The following RP1L1 variants were observed in gnomAD, a reference collection of about 807,000 sequenced individuals.
RP1L1 encodes the protein RP1 like 1, also known as retinitis pigmentosa 1-like 1 protein.
A neutral mutation model predicts 15.7 loss-of-function variants in RP1L1; 27 were observed. The observed-to-expected ratio is 1.72, with a 90% CI of 1.27 to 2.38. The LOEUF is 2.38. Ranked by LOEUF, RP1L1 falls within the 30% of genes most tolerant of loss-of-function variation. RP1L1 has a pLI of 0.00. For synonymous variants in RP1L1, 1,813 were observed against 1,276.7 expected, an observed-to-expected ratio of 1.42 and a Z score of -8.96; for missense variants, 4,798 against 3,075.9, an observed-to-expected ratio of 1.56 and a Z score of -13.24.
rs117301047 is a variant in RP1L1, at chr8:10,624,441, G to A, written c.-19-1221C>T. On this transcript the variant is annotated intron_variant, in intron 1 of 3. Coordinates refer to ENST00000382483, the MANE Select transcript of RP1L1 (RefSeq NM_178857.6). Reference sequence around the variant, plus strand: ...TGACTGAATGCAGAGTAAAAGGAATGGCATTGCAGGTCAAGGAAGTCCTCC... The same window carrying A: ...TGACTGAATGCAGAGTAAAAGGAATAGCATTGCAGGTCAAGGAAGTCCTCC... 6.6e-5 allele frequency among the ~76,000 whole-genome samples: 10 copies of A among 152,336 alleles called. No homozygotes were observed. The East Asian group carries it at 1.9e-3, about 29-fold the overall frequency.
intron 1 of RP1L1, among the ~76,000 whole-genome samples, chr8:10,631,332 CATGCACACACACGCACACACAT>C (rs1430200208): frequency 9.6e-6 from 1 of 103,764 alleles, no homozygotes; most frequent in Non-Finnish European, 2.3e-5. Flanking sequence ...CGCACACACA[CATGCACACACACGCACACACAT>C]GCACACAAAC....
chr8:10,626,199 G>C (rs1035218475), intron 1 of RP1L1, among the ~76,000 whole-genome samples: 5 of 152,066 alleles, frequency 3.3e-5, no homozygotes, highest in African/African-American at 1.2e-4. Flanking sequence ...AGCGGGCGCA[G>C]GCAGCAGGGG....
chr8:10,612,101 C>G lies in RP1L1; in HGVS notation c.1997G>C (p.Arg666Thr), dbSNP rs1321381355. Residue 666 changes from arginine (R) to threonine (T), a missense_variant, in exon 4 of 4, where the codon AGG becomes ACG. Arg to Thr is a moderately conservative substitution (Grantham distance 71, BLOSUM62 -1). Coordinates refer to ENST00000382483, the MANE Select transcript of RP1L1 (RefSeq NM_178857.6). ...GGTGTCCTTGCGGTAGTGAGAATGC[C>G]TGGGATGGCCTCTCGGGGCCACTCG... ...LGRVAPRGHP[R>T]HSHYRKDTHS... The G allele has an allele frequency of 6.2e-7, 1 of 1,613,802 alleles. No individual in the cohort carries two copies. Among genetic ancestry groups the G allele is most frequent in the Admixed American group, 1.7e-5 (1 of 60,038 alleles).
chr8:10,641,905 T>C (rs576933393), intron 1 of RP1L1, among the ~76,000 whole-genome samples: 2 of 152,268 alleles, frequency 1.3e-5, no homozygotes, highest in South Asian at 4.1e-4. Context: ...AAATGGAGAA[T>C]AGATTAACAT....
In RP1L1 at chr8:10,612,926, C is replaced by A; in HGVS notation, c.1172G>T (p.Cys391Phe). Reference sequence around the variant, plus strand: ...CCCGCCTCGGCCAAAGACTTCCCTGCATCCCACCCTGCAGGGCCGGGGTCC... The same window carrying A: ...CCCGCCTCGGCCAAAGACTTCCCTGAATCCCACCCTGCAGGGCCGGGGTCC... ...VWGPRPCRVGCREVFGRGGQP... is the reference protein window; with the variant it reads ...VWGPRPCRVGFREVFGRGGQP... The change falls in exon 4 of 4, where the codon TGC becomes TTC. Residue 391 changes from cysteine to phenylalanine, a missense_variant. Coordinates refer to ENST00000382483, the MANE Select transcript of RP1L1 (RefSeq NM_178857.6). 6.2e-7 allele frequency: 1 copy of A among 1,613,110 alleles called. No homozygotes were observed. Among genetic ancestry groups the A allele is most frequent in the Non-Finnish European group, 8.5e-7 (1 of 1,179,948 alleles).
Position 10,613,141 on chromosome 8 carries a change from G to T in RP1L1, c.957C>A (p.Gly319=). The T allele has an allele frequency of 6.2e-7, 1 of 1,613,922 alleles. No individual in the cohort carries two copies. Among genetic ancestry groups the T allele is most frequent in the Non-Finnish European group, 8.5e-7 (1 of 1,180,042 alleles). Residue 319 remains glycine (G), a synonymous_variant, in exon 4 of 4, where the codon GGC becomes GGA. Coordinates refer to ENST00000382483, the MANE Select transcript of RP1L1 (RefSeq NM_178857.6). ...GGACTTTCATCTCCACGGACAGGCT[G>T]CCGTCCTCATTCATGCGGACCTTCT... ...MKKKVRMNED[G]SLSVEMKVRF...
At position 10,612,840 on chromosome 8, in the gene RP1L1, C is replaced by T; in HGVS notation, c.1258G>A (p.Val420Met). The T allele has an allele frequency of 6.2e-7, 1 of 1,612,720 alleles. No individual in the cohort carries two copies. Among genetic ancestry groups the T allele is most frequent in the Non-Finnish European group, 8.5e-7 (1 of 1,179,912 alleles). The stretch of plus-strand genomic sequence containing the variant: ...AGTCCCCACCTCTTCCGAGCTGCCA[C>T]TCTCTCTCCCTGGGAGGCATGCAGG... Reference protein sequence around the residue: ...NPLHASQGERVAARKRWGLAQ... With the variant: ...NPLHASQGERMAARKRWGLAQ... Residue 420 changes from valine to methionine, a missense_variant, in exon 4 of 4, where the codon GTG (valine) becomes ATG (methionine). Physicochemically the swap from Val to Met is conservative, Grantham distance 21. Coordinates refer to ENST00000382483, the MANE Select transcript of RP1L1 (RefSeq NM_178857.6).
chr8:10,631,278 TGCACACACACGCAC>T (rs1798239325), intron 1 of RP1L1, among the ~76,000 whole-genome samples: 1 of 131,654 alleles, frequency 7.6e-6, no homozygotes, highest in Admixed American at 7.6e-5. Flanking sequence ...CAAACACGCA[TGCACACACACGCAC>T]ACAAACACGC....
In RP1L1 at chr8:10,617,041, A is replaced by G. The variant is rs185079929; in HGVS notation, c.610-454T>C. 2.6e-5 allele frequency among the ~76,000 whole-genome samples: 4 copies of G among 152,234 alleles called. No individual in the cohort carries two copies. In the East Asian group the frequency reaches 7.7e-4, roughly 29 times the overall value. On this transcript the variant is annotated intron_variant, in intron 2 of 3. Coordinates refer to ENST00000382483, the MANE Select transcript of RP1L1 (RefSeq NM_178857.6). ...TGCTGCCTAATCTGTGTTTTCTGGT[A>G]CAGTCTGAGTCTGTTGCCTCTGCCC...
chr8:10,632,572 G>T (rs888335698), intron 1 of RP1L1, among the ~76,000 whole-genome samples: 5 of 152,132 alleles, frequency 3.3e-5, no homozygotes, highest in East Asian at 1.9e-4. Context: ...GCCAACTCAC[G>T]GCCTGTAGAA....
intron 3 of RP1L1, among the ~76,000 whole-genome samples, chr8:10,616,222 T>C (rs982342441): frequency 1.3e-5 from 2 of 152,180 alleles, no homozygotes; most frequent in African/African-American, 2.4e-5. Flanking sequence ...GTTCCTTTTA[T>C]ATACCAAGCA....
rs12542071 is a variant in RP1L1 at position 10,606,651 on chromosome 8, G to A, written c.*244C>T. On this transcript the variant is annotated 3_prime_UTR_variant, in exon 4 of 4. Coordinates refer to ENST00000382483, the MANE Select transcript of RP1L1 (RefSeq NM_178857.6). ...GGAGCCGGGCTGACCTCCGATAACCGGGCAGATCCGCAGACACCCCCTTTC... is the reference window on the plus strand; with the variant it reads ...GGAGCCGGGCTGACCTCCGATAACCAGGCAGATCCGCAGACACCCCCTTTC... 91,996 of 591,052 alleles carry A rather than the reference G, an allele frequency of 0.16. 8,623 individuals carry two copies. Among genetic ancestry groups the A allele is most frequent in the South Asian group, 0.34 (15,752 of 46,228 alleles). 36.6% of individuals were successfully genotyped at this position (591,052 alleles called of 1,614,324 possible). A position where few individuals can be genotyped will look rare whatever the true frequency, so the allele number is the denominator to read the frequency against.
At position 10,613,051 on chromosome 8, in the gene RP1L1, G is replaced by A. The variant is rs987885227; in HGVS notation, c.1047C>T (p.Leu349=). 11 of 1,613,614 alleles carry A rather than the reference G, an allele frequency of 6.8e-6. No individual in the cohort carries two copies. The highest frequency in any genetic ancestry group is 1.1e-5 in the South Asian group (1 of 91,086). ...WSRRMGRASA[L]TAASGEDPVL... ...CGGGGTCTTCCCCACTGGCTGCCGT[G>A]AGGGCGCTGGCCCTGCCCATCCTCC... Residue 349 remains leucine (L), a synonymous_variant, in exon 4 of 4, where the codon CTC becomes CTT. Transcript: ENST00000382483.
Position 10,609,818 on chromosome 8 carries a change from A to G in RP1L1, c.4280T>C (p.Val1427Ala). 1 of 1,613,962 alleles carries G rather than the reference A, an allele frequency of 6.2e-7. No homozygotes were observed. The highest frequency in any genetic ancestry group is 8.5e-7 in the Non-Finnish European group (1 of 1,179,968). ...DGKGSQEDDPVQEEEAGRASA... is the reference protein window; with the variant it reads ...DGKGSQEDDPAQEEEAGRASA... The stretch of plus-strand genomic sequence containing the variant: ...GGCTCTTCCTGCTTCCTCCTCCTGG[A>G]CTGGGTCATCTTCCTGGGAGCCTTT... Residue 1427 changes from valine (V) to alanine (A), a missense_variant, in exon 4 of 4, where the codon GTC becomes GCC. Physicochemically the swap from Val to Ala is moderately conservative, Grantham distance 64. Coordinates refer to ENST00000382483, the MANE Select transcript of RP1L1 (RefSeq NM_178857.6).
intron 1 of RP1L1, among the ~76,000 whole-genome samples, chr8:10,640,985 G>C (rs1342301402): frequency 6.6e-6 from 1 of 152,132 alleles, no homozygotes; most frequent in Admixed American, 6.5e-5. Flanking sequence ...TGCACAGGCA[G>C]GTTGCAAACT....
chr8:10,615,827 C>A (rs1362423317), intron 3 of RP1L1, among the ~76,000 whole-genome samples: 1 of 152,076 alleles, frequency 6.6e-6, no homozygotes, highest in East Asian at 1.9e-4. Context: ...AAGGTGTGAG[C>A]CTCTGTGCCT....
chr8:10,616,977 T>C (rs1483122198), intron 2 of RP1L1, among the ~76,000 whole-genome samples: 2 of 152,128 alleles, frequency 1.3e-5, no homozygotes, highest in African/African-American at 4.8e-5. Context: ...CGGGGCCCGA[T>C]TCACTCTCTC....
At chr8:10,647,072 C>A (rs949875813) in intron 1 of RP1L1, among the ~76,000 whole-genome samples, 32 of 152,364 alleles carry the variant, frequency 2.1e-4, no homozygotes, top group African/African-American at 7.7e-4. Flanking sequence ...GGGCCCCAGG[C>A]TGGGGCAGCA....
chr8:10,637,339 A>G (rs1315228088), intron 1 of RP1L1, among the ~76,000 whole-genome samples: 1 of 152,232 alleles, frequency 6.6e-6, no homozygotes, highest in Non-Finnish European at 1.5e-5. Flanking sequence ...CACCACAATT[A>G]AGCCAATTAG....
Sources: allele counts gnomAD v4.1 joint callset (sites outside exome capture counted in the v4.1 genomes callset), GRCh38; gene constraint gnomAD v4.1.1; transcripts MANE v1.5; gene names NCBI Gene and HGNC (gene_info 2026-07-23, HGNC 2026-07-21).